Variants in ZNF428 observed in about 807,000 individuals in gnomAD.
ZNF428 encodes enzyme-like protein PIT13.
In ZNF428, 5 loss-of-function variants were observed where a neutral mutation model predicts 15.6. The ratio of observed to expected loss-of-function variants is 0.32; its 90% confidence interval spans 0.17 to 0.67. ZNF428 has a LOEUF of 0.67. ZNF428 is among the 30% of genes least tolerant of loss of function. ZNF428 has a pLI of 0.73. For synonymous variants in ZNF428, 97 were observed against 102.2 expected (o/e 0.95, Z 0.31); for missense variants, 237 against 256.0 (o/e 0.93, Z 0.51).
intron 2 of ZNF428, among the ~76,000 whole-genome samples, chr19:43,608,789 G>A (rs1273593649): frequency 1.3e-5 from 2 of 150,742 alleles, no homozygotes; most frequent in African/African-American, 4.9e-5. Flanking sequence ...TTAGCTGGGT[G>A]TGGTGGCGGG....
At position 43,612,007 on chromosome 19, in the gene ZNF428, C is replaced by T. The variant is rs1973302371; in HGVS notation, c.76+2222G>A. On this transcript the variant is annotated intron_variant, in intron 2 of 2. Transcript: ENST00000300811. The surrounding 1 kb of genome is among the most constrained non-coding windows in gnomAD (Gnocchi z 4.2). ...CACTCACCCTCCAGAGTCTTCAATG[C>T]CCACTATTACTTCACACAGTTGGCC... The T allele has an allele frequency of 3.8e-6, 3 of 780,394 alleles. No individual in the cohort carries two copies. The highest frequency in any genetic ancestry group is 1.7e-5 in the African/African-American group (1 of 57,596). 48.3% of individuals were successfully genotyped at this position (780,394 alleles called of 1,614,324 possible). A position where few individuals can be genotyped will look rare whatever the true frequency, so the allele number is the denominator to read the frequency against.
intron 2 of ZNF428, among the ~76,000 whole-genome samples, chr19:43,609,736 C>T (rs533292405): frequency 2.0e-5 from 3 of 149,394 alleles, no homozygotes; most frequent in African/African-American, 5.0e-5. Flanking sequence ...AGCAAGACTC[C>T]GTTCCCAAAA....
At chr19:43,610,201 T>C (rs1239614867) in intron 2 of ZNF428, among the ~76,000 whole-genome samples, 1 of 151,692 alleles carries the variant, frequency 6.6e-6, no homozygotes, top group African/African-American at 2.4e-5. Context: ...CTGCTTGATT[T>C]TTCTCCATCT....
Position 43,612,469 on chromosome 19 carries a change from C to T in ZNF428, c.76+1760G>A. ...ACGTGAGATGCCACCAGCGGAGGGG[C>T]ACACACAGCCGGGGTAGGACACCTG... On this transcript the variant is annotated intron_variant, in intron 2 of 2. Coordinates refer to ENST00000300811, the MANE Select transcript of ZNF428 (RefSeq NM_182498.4). The surrounding 1 kb of genome is among the most constrained non-coding windows in gnomAD (Gnocchi z 4.2). 1 of 1,545,818 alleles carries T rather than the reference C, an allele frequency of 6.5e-7. No homozygotes were observed. Among genetic ancestry groups the T allele is most frequent in the Non-Finnish European group, 8.8e-7 (1 of 1,142,280 alleles).
chr19:43,613,607 G>C, intron 2 of ZNF428: 1 of 1,548,704 alleles, frequency 6.5e-7, no homozygotes. Flanking sequence ...CAAAGAGAGA[G>C]ATCACAGACG....
At chr19:43,609,099 T>C (rs560526273) in intron 2 of ZNF428, among the ~76,000 whole-genome samples, 1 of 152,194 alleles carries the variant, frequency 6.6e-6, no homozygotes, top group East Asian at 1.9e-4. Context: ...AGGAGCCCTG[T>C]TCTTATACAT....
At chr19:43,614,002 A>T in intron 2 of ZNF428, 1 of 1,551,752 alleles carries the variant, frequency 6.4e-7, no homozygotes, top group Non-Finnish European at 8.7e-7. Flanking sequence ...GCAAAGAAGG[A>T]AATCATAGCC....
At chr19:43,617,421 C>A (rs1220566831) in intron 1 of ZNF428, among the ~76,000 whole-genome samples, 3 of 152,156 alleles carry the variant, frequency 2.0e-5, no homozygotes, top group Non-Finnish European at 2.9e-5. Flanking sequence ...CCTTCAAAGT[C>A]TGGATGTCAA....
chr19:43,612,225 C>T lies in ZNF428; in HGVS notation c.76+2004G>A. 1 of 1,551,740 alleles carries T rather than the reference C, an allele frequency of 6.4e-7. No homozygotes were observed. Among genetic ancestry groups the T allele is most frequent in the Non-Finnish European group, 8.7e-7 (1 of 1,147,004 alleles). On this transcript the variant is annotated intron_variant, in intron 2 of 2. Coordinates refer to ENST00000300811, the MANE Select transcript of ZNF428 (RefSeq NM_182498.4). This position sits in a 1 kb window ranked among gnomAD's most constrained non-coding sequence, Gnocchi z 4.2. Reference sequence around the variant, plus strand: ...AAGCCTCCTGCCTCCTTGAAGTCCACCAAATCAGCAACACCCAACAGATCC... The same window carrying T: ...AAGCCTCCTGCCTCCTTGAAGTCCATCAAATCAGCAACACCCAACAGATCC...
rs780937472 is a variant in ZNF428 at position 43,607,945 on chromosome 19, C to T, written c.239G>A (p.Arg80His). Residue 80 changes from arginine to histidine, a missense_variant, in exon 3 of 3, where the codon CGC becomes CAC. Transcript: ENST00000300811. The surrounding 1 kb of genome is among the most constrained non-coding windows in gnomAD (Gnocchi z 5.1). ...GGGCTGGGCTGCACGGGGGGCCCGG[C>T]GGGATGGGCCACCACGGCCCCCGCC... ...RLGGGRGGPS[R>H]RAPRAAQPPA... 5 of 1,585,000 alleles carry T rather than the reference C, an allele frequency of 3.2e-6. No homozygotes were observed. Among genetic ancestry groups the T allele is most frequent in the African/African-American group, 1.3e-5 (1 of 74,510 alleles).
chr19:43,619,285 G>C (rs2146126891), intron 1 of ZNF428, among the ~76,000 whole-genome samples: 1 of 152,138 alleles, frequency 6.6e-6, no homozygotes, highest in East Asian at 1.9e-4. Context: ...AAAAGGAACC[G>C]GTCTCGACAA....
Position 43,612,329 on chromosome 19 carries a change from A to G in ZNF428, c.76+1900T>C. On this transcript the variant is annotated intron_variant, in intron 2 of 2. Transcript: ENST00000300811. The surrounding 1 kb of genome is among the most constrained non-coding windows in gnomAD (Gnocchi z 4.2). ...TTCCAAGTCCACCAAATCGACCAGT[A>G]CAAAAAGAGCCCCTTCTAACCGGCC... 1 of 1,551,686 alleles carries G rather than the reference A, an allele frequency of 6.4e-7. No homozygotes were observed.
chr19:43,613,782 A>G lies in ZNF428; in HGVS notation c.76+447T>C, dbSNP rs1430934148. 8.4e-6 allele frequency: 13 copies of G among 1,549,774 alleles called. No homozygotes were observed. Among genetic ancestry groups the G allele is most frequent in the African/African-American group, 1.4e-5 (1 of 72,930 alleles). The stretch of plus-strand genomic sequence containing the variant: ...AGCCAATCTAGAAGCCCCAGCGAGG[A>G]GAGAGAGCACAGACAATCCAGAAGC... On this transcript the variant is annotated intron_variant, in intron 2 of 2. Coordinates refer to ENST00000300811, the MANE Select transcript of ZNF428 (RefSeq NM_182498.4).
chr19:43,619,422 G>C (rs1046147195), intron 1 of ZNF428, 136 bp downstream of exon 1: 4 of 152,292 alleles, frequency 2.6e-5, no homozygotes, highest in African/African-American at 7.2e-5. Flanking sequence ...CGTAGGGGGA[G>C]AAAAAGAAGC....
intron 1 of ZNF428, among the ~76,000 whole-genome samples, chr19:43,618,489 G>A (rs1030474632): frequency 2.0e-5 from 3 of 150,536 alleles, no homozygotes; most frequent in African/African-American, 7.4e-5. Context: ...AAACTCCTGT[G>A]CTCAAGGTAC....
intron 1 of ZNF428, among the ~76,000 whole-genome samples, chr19:43,615,493 A>T (rs982496362): frequency 6.6e-6 from 1 of 151,520 alleles, no homozygotes; most frequent in Non-Finnish European, 1.5e-5. Context: ...TGAGCTCAGG[A>T]GTTTGACACC....
At chr19:43,610,572 G>A (rs1973285208) in intron 2 of ZNF428, among the ~76,000 whole-genome samples, 1 of 151,330 alleles carries the variant, frequency 6.6e-6, no homozygotes, top group South Asian at 2.1e-4. Context: ...GTCCCCGAGA[G>A]CTGGGACTTT....
chr19:43,618,057 C>G, intron 1 of ZNF428, among the ~76,000 whole-genome samples: 1 of 89,808 alleles, frequency 1.1e-5, no homozygotes, highest in African/African-American at 4.5e-5. Context: ...TTTTTTGAGA[C>G]GGAGTCTTGC....
At chr19:43,614,597 T>A in intron 1 of ZNF428, 163 bp from the exon 2 acceptor site, 3 of 437,930 alleles carry the variant, frequency 6.9e-6, no homozygotes, top group East Asian at 4.9e-5. Context: ...CCTGCCCCTC[T>A]CTAGGTCTTT....
Sources: gnomAD v4.1 joint callset for allele counts (sites outside exome capture counted in the v4.1 genomes callset) on GRCh38, gnomAD v4.1.1 for gene constraint, Gnocchi (gnomAD v3.1) non-coding constraint, MANE v1.5 for transcripts, NCBI Gene and HGNC (gene_info 2026-07-23, HGNC 2026-07-21) for gene names.